ASAP1: variants seen among roughly 807,000 people sequenced by gnomAD.
The protein encoded by ASAP1 is arf-GAP with SH3 domain, ANK repeat and PH domain-containing protein 1.
Under a neutral mutation model 145.2 loss-of-function variants are expected in ASAP1, and 43 were observed. The observed-to-expected ratio is 0.30, with a 90% CI of 0.23 to 0.38. The LOEUF (loss-of-function observed/expected upper bound fraction) is 0.38. Among genes scored for constraint, ASAP1 ranks in the 10% least tolerant of loss-of-function variants. The pLI is 1.00. For missense variants in ASAP1, 1,018 were observed against 1,355.3 expected, an observed-to-expected ratio of 0.75 and a Z score of 3.91; for synonymous variants, 546 against 515.5, an observed-to-expected ratio of 1.06 and a Z score of -0.80.
In ASAP1 at chr8:130,128,090, T is replaced by C. The variant is rs2097577760; in HGVS notation, c.1218A>G (p.Ala406=). 2.0e-6 allele frequency: 3 copies of C among 1,488,358 alleles called. No individual in the cohort carries two copies. Among genetic ancestry groups the C allele is most frequent in the Admixed American group, 2.1e-5 (1 of 46,838 alleles). 92.2% of individuals were successfully genotyped at this position (1,488,358 alleles called of 1,614,324 possible). Residue 406 remains alanine, a splice_region_variant and synonymous_variant, in exon 16 of 30, where the codon GCA becomes GCG. Transcript: ENST00000518721. ...FQAEDEQDYV[A]WISVLTNSKE... The stretch of plus-strand genomic sequence containing the variant: ...TGCTATTTGTCAATACTGATATCCA[T>C]CTGTTGGTAAAAACATAAGAGGAAA...
At chr8:130,304,224 A>C (rs1347737198) in intron 3 of ASAP1, among the ~76,000 whole-genome samples, 1 of 151,892 alleles carries the variant, frequency 6.6e-6, no homozygotes, top group Non-Finnish European at 1.5e-5. Flanking sequence ...AACGGCTCCT[A>C]GATCTTATGT....
intron 24 of ASAP1, among the ~76,000 whole-genome samples, chr8:130,098,432 C>T (rs1187280815): frequency 1.3e-5 from 2 of 152,088 alleles, no homozygotes; most frequent in Non-Finnish European, 2.9e-5. Flanking sequence ...CAATGTCCAC[C>T]TCCCGGGTTC....
intron 13 of ASAP1, among the ~76,000 whole-genome samples, chr8:130,146,031 T>C (rs1442996908): frequency 6.6e-6 from 1 of 151,112 alleles, no homozygotes; most frequent in Non-Finnish European, 1.5e-5. Context: ...TTTTTTTTTT[T>C]TTTAGAGATG....
intron 3 of ASAP1, among the ~76,000 whole-genome samples, chr8:130,253,266 TC>T (rs1819312348): frequency 1.3e-5 from 2 of 152,214 alleles, no homozygotes; most frequent in South Asian, 4.1e-4. Flanking sequence ...CTCAGTTTCC[TC>T]CCTCTATAAA....
intron 3 of ASAP1, among the ~76,000 whole-genome samples, chr8:130,263,487 A>AAAT (rs1285639326): frequency 2.6e-5 from 4 of 152,200 alleles, no homozygotes; most frequent in African/African-American, 7.2e-5. Flanking sequence ...AACAAAACAT[A>AAAT]AATACAAAAA....
intron 22 of ASAP1, 28 bp downstream of exon 22, chr8:130,116,650 T>C: frequency 6.2e-7 from 1 of 1,602,680 alleles, no homozygotes; most frequent in African/African-American, 1.3e-5. Flanking sequence ...CAATGTCTAA[T>C]AAATCTCCCA....
At chr8:130,272,410 C>T (rs978850555) in intron 3 of ASAP1, among the ~76,000 whole-genome samples, 3 of 152,146 alleles carry the variant, frequency 2.0e-5, no homozygotes, top group African/African-American at 7.2e-5. Context: ...TAAATTAGTA[C>T]AGTCGCTGTG....
chr8:130,303,877 T>C (rs1158964511), intron 3 of ASAP1, among the ~76,000 whole-genome samples: 1 of 152,176 alleles, frequency 6.6e-6, no homozygotes, highest in Non-Finnish European at 1.5e-5. Context: ...GTCAAATCCC[T>C]AGAATGTACA....
chr8:130,170,867 C>A (rs1293116639), intron 9 of ASAP1, among the ~76,000 whole-genome samples: 6 of 152,076 alleles, frequency 3.9e-5, no homozygotes, highest in Non-Finnish European at 8.8e-5. Flanking sequence ...TACAGAGGCA[C>A]CCCACCATGC....
intron 3 of ASAP1, among the ~76,000 whole-genome samples, chr8:130,345,034 C>T (rs1428881391): frequency 6.6e-6 from 1 of 152,164 alleles, no homozygotes. Context: ...GAACTCAAGC[C>T]TCATCATGCT....
At chr8:130,223,258 C>G (rs1049757419) in intron 4 of ASAP1, among the ~76,000 whole-genome samples, 16 of 152,130 alleles carry the variant, frequency 1.1e-4, no homozygotes, top group Non-Finnish European at 2.1e-4. Context: ...AAAGATCACA[C>G]AGAACACAGG....
intron 28 of ASAP1, among the ~76,000 whole-genome samples, chr8:130,058,605 A>G (rs187635485): frequency 4.1e-4 from 63 of 152,358 alleles, no homozygotes; most frequent in Admixed American, 1.6e-3. Flanking sequence ...AAGTCTATGC[A>G]GTTCCTAAAA....
chr8:130,127,829 T>C, intron 16 of ASAP1, 98 bp downstream of exon 16: 4 of 1,360,494 alleles, frequency 2.9e-6, no homozygotes, highest in Non-Finnish European at 4.0e-6. Context: ...TGTGAGTGTG[T>C]CCATAGGGGT....
intron 3 of ASAP1, among the ~76,000 whole-genome samples, chr8:130,277,139 G>A (rs1820962207): frequency 6.6e-6 from 1 of 152,124 alleles, no homozygotes; most frequent in South Asian, 2.1e-4. Context: ...TCTCCTAGTT[G>A]ATTACGATGC....
chr8:130,424,357 G>A (rs1310015082), intron 1 of ASAP1, among the ~76,000 whole-genome samples: 1 of 152,134 alleles, frequency 6.6e-6, no homozygotes, highest in Non-Finnish European at 1.5e-5. Context: ...CCACTCTCCT[G>A]ATGCAATTAT....
rs1334671946 is a variant in ASAP1, at chr8:130,060,106, T to TAG, written c.3192+471_3192+472dup. Among the ~76,000 whole-genome samples the TAG allele has an allele frequency of 9.7e-5, 8 of 82,614 alleles. No individual in the cohort carries two copies. In the South Asian group the frequency reaches 1.6e-3, roughly 16 times the overall value. The allele number at this position is 82,614 out of a possible 152,430, so 54.2% of individuals were successfully genotyped here. ...AAAAAAAAAAAAAAAAAAAAAAAAA[T>TAG]AGAGAGAGAGAGAAAATACCCAGAA... On this transcript the variant is annotated intron_variant, in intron 28 of 29. Coordinates refer to ENST00000518721, the MANE Select transcript of ASAP1 (RefSeq NM_018482.4).
intron 5 of ASAP1, among the ~76,000 whole-genome samples, chr8:130,194,290 CTT>C (rs1815334447): frequency 6.6e-6 from 1 of 151,562 alleles, no homozygotes; most frequent in Admixed American, 6.6e-5. Flanking sequence ...TAGTAATTAC[CTT>C]TGTCATTATA....
chr8:130,059,247 T>G (rs1049669634), intron 28 of ASAP1, among the ~76,000 whole-genome samples: 21 of 151,948 alleles, frequency 1.4e-4, no homozygotes, highest in Admixed American at 1.3e-3. Flanking sequence ...CACTGCAGCC[T>G]CGATCTCCAG....
intron 2 of ASAP1, among the ~76,000 whole-genome samples, chr8:130,369,599 G>A (rs1827117840): frequency 6.6e-6 from 1 of 152,174 alleles, no homozygotes; most frequent in African/African-American, 2.4e-5. Context: ...TATACAAGTG[G>A]ATAATAAGCA....
Sources: allele counts gnomAD v4.1 joint callset (sites outside exome capture counted in the v4.1 genomes callset), GRCh38; gene constraint gnomAD v4.1.1; transcripts MANE v1.5; gene names NCBI Gene and HGNC (gene_info 2026-07-23, HGNC 2026-07-21).